The following TTC6 variants were observed in gnomAD, a reference collection of about 807,000 sequenced individuals.
The protein encoded by TTC6 is tetratricopeptide repeat protein 6.
A neutral mutation model predicts 210.4 loss-of-function variants in TTC6; 172 were observed. The ratio of observed to expected loss-of-function variants is 0.82; its 90% CI spans 0.72 to 0.93. TTC6 has a LOEUF of 0.93. TTC6 is among the 40% of genes least tolerant of loss of function. The pLI is 0.00. For missense variants in TTC6, 2,414 were observed against 2,318.1 expected, an observed-to-expected ratio of 1.04 and a Z score of -0.85; for synonymous variants, 804 against 819.6, an observed-to-expected ratio of 0.98 and a Z score of 0.32.
At chr14:37,739,256 G>C in intron 10 of TTC6, 101 bp downstream of exon 12, 1 of 1,163,194 alleles carries the variant, frequency 8.6e-7, no homozygotes. Context: ...ATTCTGCACT[G>C]AACATATGAA....
At chr14:37,757,183 G>C (rs545381392) in intron 14 of TTC6, among the ~76,000 whole-genome samples, 1 of 152,046 alleles carries the variant, frequency 6.6e-6, no homozygotes, top group Admixed American at 6.6e-5. Flanking sequence ...TGTGGGATCA[G>C]TGGTCATATC....
At chr14:37,701,451 G>A (rs1170639634) in exon 5 of TTC6, 3 of 1,529,876 alleles carry the variant, frequency 2.0e-6, no homozygotes, top group African/African-American at 1.4e-5. Context: ...AACAGGAAAG[G>A]CCACGATACC....
exon 24 of TTC6, chr14:37,808,826 A>G (rs2096123852): frequency 1.3e-6 from 2 of 1,532,078 alleles, no homozygotes; most frequent in African/African-American, 1.4e-5. Flanking sequence ...ATGTTACACC[A>G]AGATAAGGGA....
At chr14:37,703,097 C>A in intron 5 of TTC6, among the ~76,000 whole-genome samples, 1 of 151,238 alleles carries the variant, frequency 6.6e-6, no homozygotes, top group Admixed American at 6.6e-5. Flanking sequence ...AAGCCTAAAG[C>A]TAGGAGTAGA....
Position 37,669,808 on chromosome 14 carries a change from G to A in TTC6, c.940-10343G>A, listed in dbSNP as rs565254624. Among the ~76,000 whole-genome samples, 172 of 152,148 alleles carry A rather than the reference G, an allele frequency of 1.1e-3. 1 individual carries two copies. The highest frequency in any genetic ancestry group is 1.5e-3 in the Admixed American group (23 of 15,274). Reference sequence around the variant, plus strand: ...GTCACTCTATAAATAAATATTTGTTGAATGATGTAAACAAAAATATGCTTA... The same window carrying A: ...GTCACTCTATAAATAAATATTTGTTAAATGATGTAAACAAAAATATGCTTA... On this transcript the variant is annotated intron_variant, in intron 1 of 30. Coordinates refer to ENST00000553443, the Ensembl canonical transcript of TTC6.
intron 1 of TTC6, among the ~76,000 whole-genome samples, chr14:37,596,365 G>A (rs2095604589): frequency 6.6e-6 from 1 of 152,288 alleles, no homozygotes; most frequent in African/African-American, 2.4e-5. Flanking sequence ...AGAAGCCCGA[G>A]ACTGCCCGCA....
chr14:37,597,113 C>T (rs1241028666), intron 1 of TTC6, among the ~76,000 whole-genome samples: 1 of 151,860 alleles, frequency 6.6e-6, no homozygotes, highest in African/African-American at 2.4e-5. Flanking sequence ...GGCAGGAACC[C>T]TCCCTAATGC....
rs572167444 is a variant in TTC6, at chr14:37,732,772, C to T, written c.1819-3149C>T. On this transcript the variant is annotated intron_variant, in intron 7 of 30. Transcript: ENST00000553443. Reference sequence around the variant, plus strand: ...AGCTGGGACTACAGGCGCCCGCCACCACGCCCAGCTAATTTTTTTGTACTT... The same window carrying T: ...AGCTGGGACTACAGGCGCCCGCCACTACGCCCAGCTAATTTTTTTGTACTT... Among the ~76,000 whole-genome samples, 375 of 126,934 alleles carry T rather than the reference C, an allele frequency of 3.0e-3. 1 individual carries two copies. Among genetic ancestry groups the T allele is most frequent in the Non-Finnish European group, 3.6e-3 (193 of 53,154 alleles). The allele number at this position is 126,934 out of a possible 152,430, so 83.3% of individuals were successfully genotyped here.
In TTC6 at chr14:37,714,834, A is replaced by T. The variant is rs1595141124; in HGVS notation, c.1713+38A>T. Reference sequence around the variant, plus strand: ...TTTAATATTAGTTTTTTTGTACCTCACAGGTCCTCAAACTTTTTGGCTTCA... The same window carrying T: ...TTTAATATTAGTTTTTTTGTACCTCTCAGGTCCTCAAACTTTTTGGCTTCA... On this transcript the variant is annotated intron_variant, in intron 6 of 30. Coordinates refer to ENST00000553443, the Ensembl canonical transcript of TTC6. 5 of 1,516,078 alleles carry T rather than the reference A, an allele frequency of 3.3e-6. No homozygotes were observed. The East Asian group carries it at 9.8e-5, about 30-fold the overall frequency. 93.9% of individuals were successfully genotyped at this position (1,516,078 alleles called of 1,614,324 possible). A position where few individuals can be genotyped will look rare whatever the true frequency, so the allele number is the denominator to read the frequency against.
At chr14:37,781,792 T>C (rs2096055536) in intron 14 of TTC6, among the ~76,000 whole-genome samples, 1 of 152,172 alleles carries the variant, frequency 6.6e-6, no homozygotes, top group African/African-American at 2.4e-5. Flanking sequence ...CCATCTTGAG[T>C]TAATTTTTGT....
intron 5 of TTC6, among the ~76,000 whole-genome samples, chr14:37,707,843 T>G (rs953178073): frequency 6.6e-6 from 1 of 152,118 alleles, no homozygotes; most frequent in African/African-American, 2.4e-5. Context: ...CATTTTTGAC[T>G]GTTTATCTTG....
At chr14:37,641,815 A>G (rs1297450193) in intron 1 of TTC6, among the ~76,000 whole-genome samples, 5 of 152,182 alleles carry the variant, frequency 3.3e-5, no homozygotes, top group Non-Finnish European at 7.4e-5. Context: ...TTACTAAAAT[A>G]GTGTCTAGAG....
At chr14:37,630,310 T>C (rs575860955) in intron 1 of TTC6, among the ~76,000 whole-genome samples, 1 of 152,306 alleles carries the variant, frequency 6.6e-6, no homozygotes, top group African/African-American at 2.4e-5. Flanking sequence ...GAAGAACTTA[T>C]TTATTTCTGC....
chr14:37,808,954 A>C (rs2096124070), intron 24 of TTC6, 108 bp downstream of exon 26: 2 of 582,082 alleles, frequency 3.4e-6, no homozygotes, highest in African/African-American at 2.0e-5. Flanking sequence ...CAATATGTTA[A>C]AGCATTTGTA....
chr14:37,714,362 G>GTT (rs11397386), intron 5 of TTC6, among the ~76,000 whole-genome samples: 23 of 146,928 alleles, frequency 1.6e-4, no homozygotes, highest in Admixed American at 2.0e-4. Flanking sequence ...AGGTAAAGAA[G>GTT]TTTTTTTTTT....
chr14:37,777,770 G>GT lies in TTC6; in HGVS notation c.3267-9679dup, dbSNP rs71127243. Among the ~76,000 whole-genome samples, 995 of 136,394 alleles carry GT rather than the reference G, an allele frequency of 7.3e-3. 7 individuals carry two copies. Among genetic ancestry groups the GT allele is most frequent in the South Asian group, 0.018 (75 of 4,182 alleles). The allele number at this position is 136,394 out of a possible 152,430, so 89.5% of individuals were successfully genotyped here. A position where few individuals can be genotyped will look rare whatever the true frequency, so the allele number is the denominator to read the frequency against. ...TTTGAAATTTGTCTCCTTCGTGTAG[G>GT]TTTTTTTTTTTTTTTTTTTGATGCT... On this transcript the variant is annotated intron_variant, in intron 14 of 30. Transcript: ENST00000553443.
intron 7 of TTC6, among the ~76,000 whole-genome samples, chr14:37,729,044 T>A (rs768394442): frequency 6.6e-6 from 1 of 152,216 alleles, no homozygotes; most frequent in Non-Finnish European, 1.5e-5. Context: ...ATTTATATTA[T>A]TCTACATCTT....
At chr14:37,657,495 A>G (rs1238019253) in intron 1 of TTC6, among the ~76,000 whole-genome samples, 1 of 152,162 alleles carries the variant, frequency 6.6e-6, no homozygotes, top group Non-Finnish European at 1.5e-5. Flanking sequence ...CGCCGAGCCA[A>G]GAAAGGGCCT....
chr14:37,612,874 A>G (rs1418774185), intron 2 of TTC6, among the ~76,000 whole-genome samples: 1 of 152,206 alleles, frequency 6.6e-6, no homozygotes, highest in Non-Finnish European at 1.5e-5. Context: ...TAGTACATAT[A>G]GATTTTTGTA....
Sources: gnomAD v4.1 joint callset for allele counts (sites outside exome capture counted in the v4.1 genomes callset) on GRCh38, gnomAD v4.1.1 for gene constraint, MANE v1.5 for transcripts, NCBI Gene and HGNC (gene_info 2026-07-23, HGNC 2026-07-21) for gene names.